The following PHYH variants were observed in gnomAD, a reference collection of about 807,000 sequenced individuals.
PHYH encodes the protein phytanoyl-CoA 2-hydroxylase, also known as phytanoyl-CoA dioxygenase, peroxisomal.
A neutral mutation model predicts 38.5 loss-of-function variants in PHYH; 32 were observed. The ratio of observed to expected loss-of-function variants is 0.83; its 90% CI spans 0.63 to 1.12. PHYH has a LOEUF of 1.12. Among genes scored for constraint, PHYH ranks in the 50% most tolerant of loss-of-function variants. The probability of loss-of-function intolerance (pLI) is 0.00; values close to 1 mark genes in which losing one functional copy is unlikely to be tolerated. For synonymous variants in PHYH, 166 were observed against 157.9 expected (o/e 1.05, Z -0.38); for missense variants, 426 against 434.8 (o/e 0.98, Z 0.18).
Position 13,278,307 on chromosome 10 carries a change from A to T in PHYH, c.1011T>A (p.Asn337Lys), listed in dbSNP as rs140326632. ...RARLVKGERT[N>K]L is the part of the protein sequence containing the mutation. ...GTTATAGCAGATGGCTATTTCAAAG[A>T]TTGGTTCTTTCTCCTTTCACAAGTC... The change falls in exon 9 of 9, where the codon AAT (asparagine) becomes AAA (lysine). Residue 337 changes from asparagine to lysine, a missense_variant. Physicochemically the swap from Asn to Lys is moderately conservative, Grantham distance 94. Coordinates refer to ENST00000263038, the MANE Select transcript of PHYH (RefSeq NM_006214.4). The T allele has an allele frequency of 1.1e-5, 17 of 1,609,432 alleles. No homozygotes were observed. The highest frequency in any genetic ancestry group is 1.4e-5 in the Non-Finnish European group (16 of 1,175,912).
chr10:13,285,937 T>C (rs1165002490), intron 6 of PHYH, among the ~76,000 whole-genome samples: 1 of 151,858 alleles, frequency 6.6e-6, no homozygotes, highest in African/African-American at 2.4e-5. Context: ...ATACGGGAAC[T>C]TGCTCTGTCA....
intron 1 of PHYH, among the ~76,000 whole-genome samples, chr10:13,298,964 T>C (rs1095365): frequency 0.18 from 13,044 of 71,494 alleles, 448 homozygotes; most frequent in East Asian, 0.4. Context: ...ATAATAATAA[T>C]AACAACAATA....
Position 13,278,211 on chromosome 10 carries a change from AG to A in PHYH, c.*89del. The A allele has an allele frequency of 1.2e-6, 1 of 856,392 alleles. No individual in the cohort carries two copies. Among genetic ancestry groups the A allele is most frequent in the Non-Finnish European group, 2.0e-6 (1 of 497,308 alleles). 53.0% of individuals were successfully genotyped at this position (856,392 alleles called of 1,614,324 possible). A position where few individuals can be genotyped will look rare whatever the true frequency, so the allele number is the denominator to read the frequency against. On this transcript the variant is annotated 3_prime_UTR_variant, in exon 9 of 9. Transcript: ENST00000263038. Reference sequence around the variant, plus strand: ...TTCTGCTTTTAACAAGTGATAGAAAAGGTTACATCATCTCATTAAGAAAACA... The same window carrying A: ...TTCTGCTTTTAACAAGTGATAGAAAAGTTACATCATCTCATTAAGAAAACA...
intron 2 of PHYH, among the ~76,000 whole-genome samples, chr10:13,296,084 C>T (rs530316838): frequency 1.6e-4 from 24 of 151,978 alleles, no homozygotes; most frequent in Non-Finnish European, 3.1e-4. Flanking sequence ...AGGAAAATCG[C>T]TTGAACTTGG....
At chr10:13,299,828 G>A (rs1832700727) in intron 1 of PHYH, 140 bp downstream of exon 1, 2 of 1,325,116 alleles carry the variant, frequency 1.5e-6, no homozygotes, top group East Asian at 6.3e-5. Flanking sequence ...CGCGACCCAG[G>A]CGGGGACGCG....
chr10:13,291,027 C>G (rs1357141513), intron 5 of PHYH, among the ~76,000 whole-genome samples: 2 of 143,978 alleles, frequency 1.4e-5, no homozygotes, highest in Admixed American at 1.5e-4. Context: ...TTGTTTGAAC[C>G]TGGGAGGTGG....
At chr10:13,294,647 T>A in intron 3 of PHYH, 51 bp from the exon 4 acceptor site, 2 of 1,508,750 alleles carry the variant, frequency 1.3e-6, no homozygotes, top group South Asian at 1.1e-5. Context: ...TCCAAGCACC[T>A]GCCCTGCCCT....
Position 13,299,696 on chromosome 10 carries a change from G to A in PHYH, c.75+272C>T. The stretch of plus-strand genomic sequence containing the variant: ...TGAAACGACGTCTCCACAAAGAGAG[G>A]AGCAGAGGCCCCCAGGGATCCCGGA... On this transcript the variant is annotated intron_variant, in intron 1 of 8. Coordinates refer to ENST00000263038, the MANE Select transcript of PHYH (RefSeq NM_006214.4). 8 of 1,275,432 alleles carry A rather than the reference G, an allele frequency of 6.3e-6. No homozygotes were observed. The South Asian group carries it at 1.2e-4, about 19-fold the overall frequency. The allele number at this position is 1,275,432 out of a possible 1,614,324, so 79.0% of individuals were successfully genotyped here. A position where few individuals can be genotyped will look rare whatever the true frequency, so the allele number is the denominator to read the frequency against.
rs907723673 is a variant in PHYH at position 13,283,563 on chromosome 10, C to G, written c.828+127G>C. ...TAAAGTCCAGGTTGGTTAAAAGCCA[C>G]AAATCTTTAAAATGTTAATGCAATT... On this transcript the variant is annotated intron_variant, in intron 7 of 8. Coordinates refer to ENST00000263038, the MANE Select transcript of PHYH (RefSeq NM_006214.4). 3.8e-6 allele frequency: 4 copies of G among 1,065,878 alleles called. No individual in the cohort carries two copies. The African/African-American group carries it at 6.3e-5, about 17-fold the overall frequency. 66.0% of individuals were successfully genotyped at this position (1,065,878 alleles called of 1,614,324 possible). A position where few individuals can be genotyped will look rare whatever the true frequency, so the allele number is the denominator to read the frequency against.
At chr10:13,298,964 T>TAATAATAAC (rs1486409964) in intron 1 of PHYH, among the ~76,000 whole-genome samples, 102 of 72,100 alleles carry the variant, frequency 1.4e-3, no homozygotes, top group Non-Finnish European at 2.1e-3. Context: ...ATAATAATAA[T>TAATAATAAC]AACAACAATA....
At chr10:13,294,124 C>T (rs1296169791) in intron 4 of PHYH, among the ~76,000 whole-genome samples, 2 of 152,136 alleles carry the variant, frequency 1.3e-5, no homozygotes, top group African/African-American at 2.4e-5. Context: ...ATCACTTGAA[C>T]CTGGGAGGAA....
intron 5 of PHYH, among the ~76,000 whole-genome samples, chr10:13,291,291 C>T (rs529688041): frequency 2.6e-5 from 4 of 152,188 alleles, no homozygotes; most frequent in East Asian, 1.9e-4. Flanking sequence ...ACAGTTATGT[C>T]GGTTAAACTG....
At position 13,283,845 on chromosome 10, in the gene PHYH, A is replaced by G. The variant is rs1156621775; in HGVS notation, c.679-6T>C. The G allele has an allele frequency of 1.2e-6, 2 of 1,613,122 alleles. No homozygotes were observed. Among genetic ancestry groups the G allele is most frequent in the Non-Finnish European group, 1.7e-6 (2 of 1,179,100 alleles). ...AACATTTTGTTAACTCCCCCCTAGA[A>G]CAAGAGGCAAGTGAAGTCTACATTT... On this transcript the variant is annotated splice_region_variant and splice_polypyrimidine_tract_variant and intron_variant, in intron 6 of 8. Coordinates refer to ENST00000263038, the MANE Select transcript of PHYH (RefSeq NM_006214.4).
At chr10:13,290,706 G>A (rs1419087917) in intron 5 of PHYH, among the ~76,000 whole-genome samples, 2 of 152,076 alleles carry the variant, frequency 1.3e-5, no homozygotes. Flanking sequence ...GCTTGAGGAA[G>A]GTTATTAAAA....
Position 13,278,344 on chromosome 10 carries a change from A to G in PHYH, c.974T>C (p.Met325Thr), listed in dbSNP as rs1193268888. ...TCCTTTCACAAGTCGAGCTCGAAAC[A>G]TCCAAATATCCTGGAAATAATATCA... ...ENSVNLKDIW[M>T]FRARLVKGER... The change falls in exon 9 of 9, where the codon ATG (methionine) becomes ACG (threonine). Residue 325 changes from methionine to threonine, a missense_variant. Physicochemically the swap from Met to Thr is moderately conservative, Grantham distance 81. Coordinates refer to ENST00000263038, the MANE Select transcript of PHYH (RefSeq NM_006214.4). 6.2e-7 allele frequency: 1 copy of G among 1,610,856 alleles called. No homozygotes were observed. Among genetic ancestry groups the G allele is most frequent in the South Asian group, 1.1e-5 (1 of 91,014 alleles).
At chr10:13,282,451 G>T (rs938762840) in intron 7 of PHYH, among the ~76,000 whole-genome samples, 1 of 151,914 alleles carries the variant, frequency 6.6e-6, no homozygotes, top group Non-Finnish European at 1.5e-5. Context: ...AATTAGCTGG[G>T]CATAGTGGCG....
intron 5 of PHYH, among the ~76,000 whole-genome samples, chr10:13,291,058 C>T (rs1401500952): frequency 1.5e-5 from 2 of 133,820 alleles, no homozygotes; most frequent in South Asian, 2.4e-4. Context: ...GAGCCAAGAT[C>T]GCGCTATCGC....
chr10:13,297,188 T>C (rs1832583306), intron 2 of PHYH, among the ~76,000 whole-genome samples: 1 of 151,682 alleles, frequency 6.6e-6, no homozygotes, highest in Admixed American at 6.6e-5. Flanking sequence ...TGAATACATA[T>C]GATTTTTCAG....
chr10:13,292,315 A>G (rs1347873816), intron 4 of PHYH, among the ~76,000 whole-genome samples: 1 of 152,228 alleles, frequency 6.6e-6, no homozygotes, highest in African/African-American at 2.4e-5. Context: ...ATAGCCCGGA[A>G]GAAAGCAGAA....
Sources: allele counts gnomAD v4.1 joint callset (sites outside exome capture counted in the v4.1 genomes callset), GRCh38; gene constraint gnomAD v4.1.1; transcripts MANE v1.5; gene names NCBI Gene and HGNC (gene_info 2026-07-23, HGNC 2026-07-21).